The following NME7 variants were observed in gnomAD, a reference collection of about 807,000 sequenced individuals.
NME7 encodes the protein NME/NM23 family member 7.
NME7 carries 41 observed loss-of-function variants against 49.1 expected under a neutral mutation model. That is an observed-to-expected ratio of 0.83 (90% CI 0.65 to 1.08). The LOEUF (loss-of-function observed/expected upper bound fraction) is 1.08. Ranked by LOEUF, NME7 falls within the 50% of genes least tolerant of loss-of-function variation. NME7 has a pLI of 0.00. For missense variants in NME7, 423 were observed against 463.4 expected, an observed-to-expected ratio of 0.91 and a Z score of 0.80; for synonymous variants, 139 against 150.6, an observed-to-expected ratio of 0.92 and a Z score of 0.56.
chr1:169,182,189 A>AAAAAAAAAAAG (rs1553243360), intron 10 of NME7, among the ~76,000 whole-genome samples: 1 of 148,138 alleles, frequency 6.8e-6, no homozygotes. Context: ...AAAAAAAAAA[A>AAAAAAAAAAAG]CAACTCTGTA....
At chr1:169,155,573 A>G (rs1162462560) in intron 11 of NME7, among the ~76,000 whole-genome samples, 2 of 152,080 alleles carry the variant, frequency 1.3e-5, no homozygotes, top group African/African-American at 4.8e-5. Context: ...AGTGAGCTTC[A>G]GGTAAAGCTG....
Position 169,237,686 on chromosome 1 carries a change from T to C in NME7, c.756A>G (p.Gly252=). ...TAGCCATCAGGATCTTTCCCAACAG[T>C]CCTGAAAATGAAGGACAATGAGTGA... ...CIVKPHAVSE[G]LLGKILMAIR... Residue 252 remains glycine (G), a splice_region_variant and synonymous_variant, in exon 8 of 12, where the codon GGA becomes GGG. Coordinates refer to ENST00000367811, the MANE Select transcript of NME7 (RefSeq NM_013330.5). 1 of 1,606,192 alleles carries C rather than the reference T, an allele frequency of 6.2e-7. No homozygotes were observed. Among genetic ancestry groups the C allele is most frequent in the East Asian group, 2.2e-5 (1 of 44,606 alleles).
At chr1:169,324,067 C>T (rs1651960305) in intron 2 of NME7, among the ~76,000 whole-genome samples, 1 of 151,786 alleles carries the variant, frequency 6.6e-6, no homozygotes, top group Non-Finnish European at 1.5e-5. Flanking sequence ...GTTGGCCAGG[C>T]TAGTCTCGAA....
chr1:169,261,208 T>C (rs1649152398), intron 7 of NME7, among the ~76,000 whole-genome samples: 1 of 134,378 alleles, frequency 7.4e-6, no homozygotes, highest in Non-Finnish European at 1.8e-5. Context: ...TTATAAGTGA[T>C]ATTTATTGTT....
chr1:169,298,215 T>C (rs1650785491), intron 6 of NME7, among the ~76,000 whole-genome samples: 1 of 152,194 alleles, frequency 6.6e-6, no homozygotes, highest in Non-Finnish European at 1.5e-5. Context: ...TCTCAAATTA[T>C]ATCTTCTTTT....
chr1:169,270,294 G>A (rs1649449514), intron 7 of NME7, among the ~76,000 whole-genome samples: 2 of 133,398 alleles, frequency 1.5e-5, no homozygotes, highest in Non-Finnish European at 3.5e-5. Flanking sequence ...TCAATAAAAA[G>A]ACTAAATTGT....
At chr1:169,243,418 T>A (rs1044953276) in intron 7 of NME7, among the ~76,000 whole-genome samples, 6 of 152,208 alleles carry the variant, frequency 3.9e-5, no homozygotes, top group African/African-American at 1.2e-4. Context: ...TTTTTTCTCA[T>A]CTATACATGG....
intron 6 of NME7, among the ~76,000 whole-genome samples, chr1:169,295,536 T>C (rs1431271110): frequency 6.6e-6 from 1 of 152,178 alleles, no homozygotes; most frequent in Non-Finnish European, 1.5e-5. Flanking sequence ...ACAATAAATG[T>C]CTACTACTAA....
Position 169,274,430 on chromosome 1 carries a change from G to A in NME7, c.754+12873C>T, listed in dbSNP as rs1413616241. ...ATTTTGTAGGTTGCCTGTTCACTCT[G>A]ATGGTAGTTTCTTTTGCTGTGCAGA... On this transcript the variant is annotated intron_variant, in intron 7 of 11. Coordinates refer to ENST00000367811, the MANE Select transcript of NME7 (RefSeq NM_013330.5). Among the ~76,000 whole-genome samples, 15 of 133,296 alleles carry A rather than the reference G, an allele frequency of 1.1e-4. 1 individual carries two copies. Among genetic ancestry groups the A allele is most frequent in the African/African-American group, 3.8e-4 (15 of 39,322 alleles). The allele number at this position is 133,296 out of a possible 152,430, so 87.4% of individuals were successfully genotyped here.
At chr1:169,235,409 C>T (rs1647818908) in intron 8 of NME7, among the ~76,000 whole-genome samples, 1 of 151,976 alleles carries the variant, frequency 6.6e-6, no homozygotes, top group Non-Finnish European at 1.5e-5. Context: ...TCTATACGTG[C>T]ATCATCTCAT....
Position 169,146,934 on chromosome 1 carries a change from T to C in NME7, c.1099-14117A>G, listed in dbSNP as rs568926025. Reference sequence around the variant, plus strand: ...CTCATATGACACATTATTATTAGAATGGGAGATGAGAATTATGTACTTGGT... The same window carrying C: ...CTCATATGACACATTATTATTAGAACGGGAGATGAGAATTATGTACTTGGT... On this transcript the variant is annotated intron_variant, in intron 11 of 11. Transcript: ENST00000367811. Among the ~76,000 whole-genome samples, 28 of 152,336 alleles carry C rather than the reference T, an allele frequency of 1.8e-4. 2 individuals are homozygous for C. In the South Asian group the frequency reaches 5.4e-3, roughly 29 times the overall value.
At chr1:169,303,246 T>C in intron 4 of NME7, 51 bp from the exon 5 acceptor site, 1 of 939,662 alleles carries the variant, frequency 1.1e-6, no homozygotes, top group Non-Finnish European at 1.6e-6. Flanking sequence ...ATTAAACACT[T>C]ATTATTTTAG....
intron 11 of NME7, among the ~76,000 whole-genome samples, chr1:169,136,607 G>A (rs1658441421): frequency 6.6e-6 from 1 of 152,108 alleles, no homozygotes; most frequent in African/African-American, 2.4e-5. Flanking sequence ...TATTCTCATC[G>A]ATACCACTTC....
chr1:169,286,581 A>G (rs918310353), intron 7 of NME7: 1 of 152,172 alleles, frequency 6.6e-6, no homozygotes, highest in Non-Finnish European at 1.5e-5. Context: ...ATGTATATAC[A>G]TACATATGTC....
At chr1:169,192,879 GA>G (rs1288915909) in intron 10 of NME7, among the ~76,000 whole-genome samples, 5 of 151,958 alleles carry the variant, frequency 3.3e-5, no homozygotes, top group African/African-American at 1.2e-4. Context: ...TAGAATGCAG[GA>G]AAACTCCTTT....
chr1:169,211,711 T>A (rs1465779505), intron 10 of NME7, among the ~76,000 whole-genome samples: 1 of 152,078 alleles, frequency 6.6e-6, no homozygotes, highest in Non-Finnish European at 1.5e-5. Flanking sequence ...TGATACTTAA[T>A]GGCAGGAACA....
intron 10 of NME7, among the ~76,000 whole-genome samples, chr1:169,172,157 AC>A (rs1489339569): frequency 6.6e-6 from 1 of 151,872 alleles, no homozygotes; most frequent in African/African-American, 2.4e-5. Flanking sequence ...TGTGCAGCCC[AC>A]CCAGTACCCC....
At chr1:169,272,814 A>C (rs1291632510) in intron 7 of NME7, among the ~76,000 whole-genome samples, 1 of 133,022 alleles carries the variant, frequency 7.5e-6, no homozygotes, top group Non-Finnish European at 1.8e-5. Flanking sequence ...TATACCCAGT[A>C]ATGGCATTGC....
At chr1:169,198,933 C>T (rs561674114) in intron 10 of NME7, among the ~76,000 whole-genome samples, 2 of 152,134 alleles carry the variant, frequency 1.3e-5, no homozygotes, top group African/African-American at 4.8e-5. Context: ...TTTAAAAAGA[C>T]TTCTCTGAAA....
Sources: gnomAD v4.1 joint callset for allele counts (sites outside exome capture counted in the v4.1 genomes callset) on GRCh38, gnomAD v4.1.1 for gene constraint, MANE v1.5 for transcripts, NCBI Gene and HGNC (gene_info 2026-07-23, HGNC 2026-07-21) for gene names.